Variants in WT1 observed in about 807,000 individuals in gnomAD.
WT1 encodes WT1 transcription factor.
A neutral mutation model predicts 60.8 loss-of-function variants in WT1; 8 were observed. The ratio of observed to expected loss-of-function variants is 0.13; its 90% CI spans 0.08 to 0.24. The LOEUF (loss-of-function observed/expected upper bound fraction) is 0.24, where lower values mean the gene tolerates loss of function less well. Among genes scored for constraint, WT1 ranks in the 10% least tolerant of loss-of-function variants. The probability of loss-of-function intolerance (pLI) is 1.00; values close to 1 mark genes in which losing one functional copy is unlikely to be tolerated. For missense variants in WT1, 568 were observed against 711.8 expected, an observed-to-expected ratio of 0.80 and a Z score of 2.30; for synonymous variants, 312 against 297.1, an observed-to-expected ratio of 1.05 and a Z score of -0.52.
chr11:32,389,289 T>A, intron 9 of WT1, 110 bp from the exon 10 acceptor site: 1 of 1,580,570 alleles, frequency 6.3e-7, no homozygotes, highest in South Asian at 1.1e-5. Flanking sequence ...GAATTTCCCA[T>A]CATTCTGTCC....
At chr11:32,394,000 C>G (rs1221263042) in intron 7 of WT1, among the ~76,000 whole-genome samples, 3 of 152,188 alleles carry the variant, frequency 2.0e-5, no homozygotes, top group Admixed American at 6.5e-5. Context: ...ACAAGCAATC[C>G]TCCTACCTCA....
At chr11:32,407,523 G>C (rs1458867598) in intron 5 of WT1, among the ~76,000 whole-genome samples, 1 of 152,132 alleles carries the variant, frequency 6.6e-6, no homozygotes, top group Non-Finnish European at 1.5e-5. Context: ...CTAGTTATTG[G>C]CCAGGCAGGC....
intron 6 of WT1, among the ~76,000 whole-genome samples, chr11:32,397,482 ATT>A (rs34861119): frequency 1.2e-4 from 17 of 139,624 alleles, no homozygotes; most frequent in African/African-American, 1.1e-4. Context: ...TGCCCAGCTA[ATT>A]TTTTTTTTTT....
chr11:32,433,128 T>C (rs1231799527), intron 1 of WT1, among the ~76,000 whole-genome samples: 1 of 152,182 alleles, frequency 6.6e-6, no homozygotes, highest in East Asian at 1.9e-4. Context: ...CACTGAGACC[T>C]AGAAACTCCC....
At chr11:32,413,004 A>G (rs572565622) in intron 5 of WT1, among the ~76,000 whole-genome samples, 15 of 152,156 alleles carry the variant, frequency 9.9e-5, no homozygotes, top group Non-Finnish European at 1.8e-4. Flanking sequence ...GCTCCCTGAC[A>G]TCTAATGAAA....
In WT1 at chr11:32,397,413, T is replaced by C. The variant is rs11826006; in HGVS notation, c.1114-1006A>G. ...CTCCTGCAGCCTCGACCTCACCAGCTTAAGTAATCCTCCCACTTCAGCCTC... is the reference window on the plus strand; with the variant it reads ...CTCCTGCAGCCTCGACCTCACCAGCCTAAGTAATCCTCCCACTTCAGCCTC... On this transcript the variant is annotated intron_variant, in intron 6 of 9. Coordinates refer to ENST00000452863, the MANE Select transcript of WT1 (RefSeq NM_024426.6). Among the ~76,000 whole-genome samples the C allele has an allele frequency of 4.5e-3, 689 of 152,170 alleles. 8 individuals are homozygous for C. Among genetic ancestry groups the C allele is most frequent in the African/African-American group, 0.015 (641 of 41,496 alleles).
intron 9 of WT1, 95 bp downstream of exon 9, chr11:32,391,877 T>C (rs1851826708): frequency 2.3e-6 from 3 of 1,307,844 alleles, no homozygotes; most frequent in Non-Finnish European, 3.3e-6. Context: ...CTTAGAACTT[T>C]TACACTAGTC....
intron 3 of WT1, among the ~76,000 whole-genome samples, chr11:32,426,734 G>A (rs1431519535): frequency 6.6e-6 from 1 of 152,222 alleles, no homozygotes; most frequent in Non-Finnish European, 1.5e-5. Flanking sequence ...TCAGGCGTTA[G>A]AAATAGAAGG....
intron 1 of WT1, among the ~76,000 whole-genome samples, chr11:32,429,470 C>CA (rs1026662535): frequency 6.7e-6 from 1 of 148,256 alleles, no homozygotes; most frequent in Admixed American, 6.7e-5. Context: ...ATTCCCCCCC[C>CA]CCCCCAAAGT....
chr11:32,431,152 TGGCCG>T (rs1853295346), intron 1 of WT1, among the ~76,000 whole-genome samples: 1 of 152,128 alleles, frequency 6.6e-6, no homozygotes, highest in South Asian at 2.1e-4. Context: ...CCGCCTGGCC[TGGCCG>T]GGCCGTGAGA....
At position 32,435,110 on chromosome 11, in the gene WT1, A is replaced by C; in HGVS notation, c.251T>G (p.Leu84Arg). ...ACCCAGGGAGGGGACGGCGGGCAGCAGCGCGTTCAGGTCCCGCACGTCGGA... is the reference window on the plus strand; with the variant it reads ...ACCCAGGGAGGGGACGGCGGGCAGCCGCGCGTTCAGGTCCCGCACGTCGGA... The change falls in exon 1 of 10, where the codon CTG becomes CGG. Residue 84 changes from leucine to arginine, a missense_variant. Transcript: ENST00000452863. 1 of 1,508,830 alleles carries C rather than the reference A, an allele frequency of 6.6e-7. No individual in the cohort carries two copies. The highest frequency in any genetic ancestry group is 2.1e-5 in the Admixed American group (1 of 48,276). 93.5% of individuals were successfully genotyped at this position (1,508,830 alleles called of 1,614,324 possible).
rs1771146616 is a variant in WT1 at position 32,406,613 on chromosome 11, C to T, written c.1017-6569G>A. Among the ~76,000 whole-genome samples, 5 of 136,050 alleles carry T rather than the reference C, an allele frequency of 3.7e-5. No individual in the cohort carries two copies. In the Admixed American group the frequency reaches 3.8e-4, roughly 10 times the overall value. 89.3% of individuals were successfully genotyped at this position (136,050 alleles called of 152,430 possible). On this transcript the variant is annotated intron_variant, in intron 5 of 9. Coordinates refer to ENST00000452863, the MANE Select transcript of WT1 (RefSeq NM_024426.6). ...TATGTGCAACAGAGCATGAAGTTTA[C>T]CCTCCACCAAAAAAAAAATATATAT...
chr11:32,403,331 T>C (rs1013626754), intron 5 of WT1, among the ~76,000 whole-genome samples: 15 of 152,044 alleles, frequency 9.9e-5, no homozygotes, highest in African/African-American at 3.4e-4. Context: ...TCTAAATAAG[T>C]TTTTAAAAAG....
chr11:32,434,042 C>T (rs186594583), intron 1 of WT1, among the ~76,000 whole-genome samples: 2 of 151,912 alleles, frequency 1.3e-5, no homozygotes, highest in Non-Finnish European at 2.9e-5. Flanking sequence ...TGAGCGAAGC[C>T]CAGTGAAGAT....
Position 32,425,249 on chromosome 11 carries a change from G to A in WT1, c.887+2707C>T, listed in dbSNP as rs533305292. The stretch of plus-strand genomic sequence containing the variant: ...AGGGAGGGGGAGAAAAAGCTGGGCA[G>A]TCAGCCTCAGAGGGTCAAATGCAAC... On this transcript the variant is annotated intron_variant, in intron 3 of 9. Coordinates refer to ENST00000452863, the MANE Select transcript of WT1 (RefSeq NM_024426.6). Among the ~76,000 whole-genome samples the A allele has an allele frequency of 2.0e-5, 3 of 150,766 alleles. No homozygotes were observed. In the South Asian group the frequency reaches 6.3e-4, roughly 32 times the overall value.
intron 2 of WT1, 43 bp downstream of exon 2, chr11:32,428,454 C>A (rs759850491): frequency 6.2e-7 from 1 of 1,612,976 alleles, no homozygotes; most frequent in Non-Finnish European, 8.5e-7. Context: ...GAGGATAGCA[C>A]GGAAGAAGGG....
At chr11:32,397,977 C>A (rs768475014) in intron 6 of WT1, among the ~76,000 whole-genome samples, 31 of 152,180 alleles carry the variant, frequency 2.0e-4, no homozygotes, top group Non-Finnish European at 3.8e-4. Context: ...AAGCATTTTC[C>A]ATTTCCCTTA....
intron 3 of WT1, among the ~76,000 whole-genome samples, chr11:32,427,695 A>G (rs2133070946): frequency 6.6e-6 from 1 of 152,388 alleles, no homozygotes; most frequent in South Asian, 2.1e-4. Flanking sequence ...TCTAAAAATA[A>G]TAACTTCTCG....
intron 8 of WT1, 36 bp from the exon 9 acceptor site, chr11:32,392,100 C>G (rs1851835581): frequency 6.3e-7 from 1 of 1,595,414 alleles, no homozygotes; most frequent in Middle Eastern, 1.8e-4. Context: ...TCGGCCCTAA[C>G]AATGTGGGCA....
Sources: gnomAD v4.1 joint callset for allele counts (sites outside exome capture counted in the v4.1 genomes callset) on GRCh38, gnomAD v4.1.1 for gene constraint, MANE v1.5 for transcripts, NCBI Gene and HGNC (gene_info 2026-07-23, HGNC 2026-07-21) for gene names.